RGPD3: variants seen among roughly 807,000 people sequenced by gnomAD.
The protein encoded by RGPD3 is ranBP2-like and GRIP domain-containing protein 3.
A neutral mutation model predicts 154.5 loss-of-function variants in RGPD3; 62 were observed. The ratio of observed to expected loss-of-function variants is 0.40; its 90% CI spans 0.33 to 0.50. The LOEUF is 0.50. RGPD3 is among the 20% of genes least tolerant of loss of function. The pLI, the probability that RGPD3 is intolerant of heterozygous loss-of-function variation, is 0.59. For missense variants in RGPD3, 919 were observed against 1,716.8 expected, an observed-to-expected ratio of 0.54 and a Z score of 8.21; for synonymous variants, 308 against 607.0, an observed-to-expected ratio of 0.51 and a Z score of 7.24.
chr2:106,460,358 G>C (rs941440587), intron 1 of RGPD3, among the ~76,000 whole-genome samples: 12 of 152,036 alleles, frequency 7.9e-5, no homozygotes, highest in East Asian at 3.9e-4. Flanking sequence ...GAAAGAATAA[G>C]TAAGTACTTA....
chr2:106,413,164 C>A lies in RGPD3; in HGVS notation c.5186G>T (p.Arg1729Ile). 1 of 1,611,842 alleles carries A rather than the reference C, an allele frequency of 6.2e-7. No individual in the cohort carries two copies. The highest frequency in any genetic ancestry group is 1.3e-5 in the African/African-American group (1 of 74,938). Residue 1729 changes from arginine (R) to isoleucine (I), a missense_variant, in exon 22 of 23, where the codon AGA becomes ATA. Transcript: ENST00000409886. The part of the protein sequence containing the change: ...QFIFLKPGSE[R>I]ERLLPVINTM... ...ATTTATAACAGGAAGAAGTCTCTCTCTTTCACTACCTGGCTTCAAGAAAAT... is the reference window on the plus strand; with the variant it reads ...ATTTATAACAGGAAGAAGTCTCTCTATTTCACTACCTGGCTTCAAGAAAAT...
At chr2:106,446,900 A>AAAAATAAT (rs1677956555) in intron 7 of RGPD3, among the ~76,000 whole-genome samples, 1 of 148,758 alleles carries the variant, frequency 6.7e-6, no homozygotes, top group Non-Finnish European at 1.5e-5. Context: ...AAAAAAATAA[A>AAAAATAAT]AAATAAGAAA....
chr2:106,468,316 C>T lies in RGPD3; in HGVS notation c.-28G>A, dbSNP rs748764073. The T allele has an allele frequency of 1.9e-6, 3 of 1,592,270 alleles. No individual in the cohort carries two copies. The highest frequency in any genetic ancestry group is 2.6e-6 in the Non-Finnish European group (3 of 1,170,658). ...CGCCACCAACCTGGCTCCCGAGATG[C>T]GTGAGACCAGCGCTCAGCCCCGCAG... On this transcript the variant is annotated 5_prime_UTR_variant, in exon 1 of 23. Coordinates refer to ENST00000409886, the MANE Select transcript of RGPD3 (RefSeq NM_001144013.2).
intron 22 of RGPD3, among the ~76,000 whole-genome samples, chr2:106,411,971 C>G: frequency 6.7e-6 from 1 of 149,860 alleles, no homozygotes; most frequent in Admixed American, 6.7e-5. Context: ...ATCCAATAAA[C>G]ATTGAATTAT....
In RGPD3 at chr2:106,424,857, T is replaced by C; in HGVS notation, c.3110A>G (p.His1037Arg). 6.2e-7 allele frequency: 1 copy of C among 1,611,826 alleles called. No individual in the cohort carries two copies. Among genetic ancestry groups the C allele is most frequent in the Non-Finnish European group, 8.5e-7 (1 of 1,179,802 alleles). ...AGGCATTTGAACTACTGGTTCAAAA[T>C]GGATGTCATCGCTGTCCTCAGTCTT... ...AYKTEDSDDI[H>R]FEPVVQMPEK... Residue 1037 changes from histidine to arginine, a missense_variant, in exon 20 of 23, where the codon CAT becomes CGT. Coordinates refer to ENST00000409886, the MANE Select transcript of RGPD3 (RefSeq NM_001144013.2).
At chr2:106,449,584 T>A (rs2104501617) in intron 6 of RGPD3, among the ~76,000 whole-genome samples, 1 of 150,898 alleles carries the variant, frequency 6.6e-6, no homozygotes, top group Admixed American at 6.6e-5. Flanking sequence ...CTGACAGAAA[T>A]AACCCACATA....
intron 1 of RGPD3, 137 bp downstream of exon 1, chr2:106,468,080 G>C: frequency 8.7e-7 from 1 of 1,153,936 alleles, no homozygotes; most frequent in East Asian, 3.8e-5. Context: ...GGTCGAGGCC[G>C]CCGCCTCCAC....
At chr2:106,446,274 A>T (rs1454413624) in intron 7 of RGPD3, among the ~76,000 whole-genome samples, 1 of 146,744 alleles carries the variant, frequency 6.8e-6, no homozygotes, top group Non-Finnish European at 1.5e-5. Flanking sequence ...TAAAAAAAAA[A>T]AAAAAAAAAA....
chr2:106,411,947 T>A (rs1676683322), intron 22 of RGPD3, among the ~76,000 whole-genome samples: 1 of 151,156 alleles, frequency 6.6e-6, no homozygotes, highest in Non-Finnish European at 1.5e-5. Context: ...AAACTAGGTA[T>A]AGGTGACAGA....
At chr2:106,466,014 G>A (rs897860622) in intron 1 of RGPD3, among the ~76,000 whole-genome samples, 1 of 151,900 alleles carries the variant, frequency 6.6e-6, no homozygotes, top group African/African-American at 2.4e-5. Context: ...GACCTCCGCC[G>A]CAGCATATAA....
chr2:106,422,855 CT>C, intron 20 of RGPD3, among the ~76,000 whole-genome samples, 187 bp downstream of exon 20: 1 of 152,130 alleles, frequency 6.6e-6, no homozygotes, highest in African/African-American at 2.4e-5. Flanking sequence ...ATGTCTTTAA[CT>C]AAGTTCTCTT....
At position 106,416,325 on chromosome 2, in the gene RGPD3, T is replaced by C. The variant is rs1174036338; in HGVS notation, c.4925-336A>G. Among the ~76,000 whole-genome samples the C allele has an allele frequency of 4.8e-3, 686 of 142,728 alleles. 1 individual carries two copies. The highest frequency in any genetic ancestry group is 0.015 in the African/African-American group (586 of 38,224). The allele number at this position is 142,728 out of a possible 152,430, so 93.6% of individuals were successfully genotyped here. The stretch of plus-strand genomic sequence containing the variant: ...CCAAGATTTTATGTCATTTCACGTA[T>C]AAGGAAAGCATTAACATTTACTGGT... On this transcript the variant is annotated intron_variant, in intron 20 of 22. Transcript: ENST00000409886.
chr2:106,422,910 T>A (rs1677040012), intron 20 of RGPD3, 133 bp downstream of exon 20: 3 of 1,575,196 alleles, frequency 1.9e-6, no homozygotes, highest in Admixed American at 1.8e-5. Context: ...GAGAAAAAAA[T>A]TGCTCAAATA....
rs1418820066 is a variant in RGPD3, at chr2:106,404,190, G to T, written c.*1029C>A. On this transcript the variant is annotated 3_prime_UTR_variant, in exon 23 of 23. Coordinates refer to ENST00000409886, the MANE Select transcript of RGPD3 (RefSeq NM_001144013.2). ...CACTTTTATATTTAGATTCAATGCT[G>T]AGTGATATAGTCACTGTTGGGATAG... 6.7e-6 allele frequency among the ~76,000 whole-genome samples: 1 copy of T among 150,214 alleles called. No homozygotes were observed. The highest frequency in any genetic ancestry group is 2.1e-4 in the South Asian group (1 of 4,822).
chr2:106,424,036 G>C lies in RGPD3; in HGVS notation c.3931C>G (p.Gln1311Glu), dbSNP rs1332952505. Residue 1311 changes from glutamine to glutamate, a missense_variant, in exon 20 of 23, where the codon CAG (glutamine) becomes GAG (glutamate). Physicochemically the swap from Gln to Glu is conservative, Grantham distance 29 (BLOSUM62 2). Coordinates refer to ENST00000409886, the MANE Select transcript of RGPD3 (RefSeq NM_001144013.2). ...TCAGTGCCAACTGAAGTCCCACTCT[G>C]ATTCAACTTGGCAGGAGACTTAGAT... ...SLSKSPAKLN[Q>E]SGTSVGTDEE... 2 of 1,611,660 alleles carry C rather than the reference G, an allele frequency of 1.2e-6. No homozygotes were observed. Among genetic ancestry groups the C allele is most frequent in the Non-Finnish European group, 1.7e-6 (2 of 1,179,814 alleles).
chr2:106,416,088 T>A, intron 20 of RGPD3, 99 bp from the exon 21 acceptor site: 1 of 1,539,612 alleles, frequency 6.5e-7, no homozygotes, highest in Non-Finnish European at 8.7e-7. Flanking sequence ...TACTATGTGA[T>A]ATTTTATAGC....
intron 22 of RGPD3, among the ~76,000 whole-genome samples, chr2:106,408,779 T>C (rs1450534994): frequency 6.6e-6 from 1 of 152,182 alleles, no homozygotes; most frequent in Middle Eastern, 3.4e-3. Context: ...CTCGAACCCC[T>C]TATAACAAAG....
At chr2:106,411,710 T>G (rs1335737552) in intron 22 of RGPD3, among the ~76,000 whole-genome samples, 232 of 151,900 alleles carry the variant, frequency 1.5e-3, no homozygotes, top group Middle Eastern at 3.4e-3. Flanking sequence ...CTCAGCTACT[T>G]GGGAGGCTGA....
At chr2:106,416,103 C>A (rs1676821096) in intron 20 of RGPD3, 114 bp from the exon 21 acceptor site, 3 of 1,491,928 alleles carry the variant, frequency 2.0e-6, no homozygotes, top group South Asian at 1.3e-5. Flanking sequence ...TATAGCTCTG[C>A]TTTCTTTGCC....
Sources: gnomAD v4.1 joint callset for allele counts (sites outside exome capture counted in the v4.1 genomes callset) on GRCh38, gnomAD v4.1.1 for gene constraint, MANE v1.5 for transcripts, NCBI Gene and HGNC (gene_info 2026-07-23, HGNC 2026-07-21) for gene names.